Variants in LMCD1 observed in about 807,000 individuals in gnomAD.
The protein encoded by LMCD1 is LIM and cysteine rich domains 1, also known as LIM and cysteine-rich domains protein 1.
LMCD1 carries 32 observed loss-of-function variants against 42.7 expected under a neutral mutation model. The observed-to-expected ratio is 0.75, with a 90% CI of 0.57 to 1.01. The LOEUF (loss-of-function observed/expected upper bound fraction) is 1.01, where lower values mean the gene tolerates loss of function less well. LMCD1 is among the 50% of genes least tolerant of loss of function. The pLI, the probability that LMCD1 is intolerant of heterozygous loss-of-function variation, is 0.00. For missense variants in LMCD1, 458 were observed against 483.1 expected (o/e 0.95, Z 0.49); for synonymous variants, 178 against 184.9 (o/e 0.96, Z 0.30).
At chr3:8,542,301 C>A (rs1274870276) in intron 3 of LMCD1, among the ~76,000 whole-genome samples, 2 of 152,110 alleles carry the variant, frequency 1.3e-5, no homozygotes, top group Non-Finnish European at 2.9e-5. Context: ...CATGCCCAGC[C>A]CCAGCTGGAG....
chr3:8,548,763 G>T lies in LMCD1; in HGVS notation c.583G>T (p.Gly195Cys), dbSNP rs147666403. The T allele has an allele frequency of 3.1e-6, 5 of 1,613,240 alleles. No homozygotes were observed. Among genetic ancestry groups the T allele is most frequent in the Non-Finnish European group, 4.2e-6 (5 of 1,179,244 alleles). ...CAAGCAATATAAGAGCGAGGCCCTC[G>T]GCGTGGGAGAAGTGGCCCTCCCGGG... is the stretch of plus-strand genomic sequence containing the variant. ...FVKQYKSEALGVGEVALPGQG... is the reference protein window; with the variant it reads ...FVKQYKSEALCVGEVALPGQG... The change falls in exon 4 of 6, where the codon GGC becomes TGC. Residue 195 changes from glycine to cysteine, a missense_variant. Transcript: ENST00000157600.
intron 1 of LMCD1, among the ~76,000 whole-genome samples, chr3:8,513,196 C>A (rs1694034098): frequency 6.6e-6 from 1 of 151,934 alleles, no homozygotes; most frequent in South Asian, 2.1e-4. Context: ...TTCTGAAGTC[C>A]CAGTCCCAGT....
chr3:8,552,746 T>C (rs1241433840), intron 4 of LMCD1, among the ~76,000 whole-genome samples: 2 of 152,178 alleles, frequency 1.3e-5, no homozygotes, highest in Non-Finnish European at 2.9e-5. Flanking sequence ...TATTTTGAGA[T>C]GGAGTCTCAC....
rs1256987594 is a variant in LMCD1 at position 8,568,192 on chromosome 3, T to A, written c.*594T>A. The A allele has an allele frequency of 6.6e-6, 1 of 152,238 alleles. No homozygotes were observed. The highest frequency in any genetic ancestry group is 1.5e-5 in the Non-Finnish European group (1 of 68,062). 9.4% of individuals were successfully genotyped at this position (152,238 alleles called of 1,614,324 possible). A position where few individuals can be genotyped will look rare whatever the true frequency, so the allele number is the denominator to read the frequency against. ...CACCCAGTGCTGGCAGAAAATATAG[T>A]AAAATACTAATGAGCCTCTCTATCA... On this transcript the variant is annotated 3_prime_UTR_variant, in exon 6 of 6. Transcript: ENST00000157600.
At chr3:8,524,164 G>A (rs1694253588) in intron 1 of LMCD1, among the ~76,000 whole-genome samples, 3 of 146,994 alleles carry the variant, frequency 2.0e-5, no homozygotes, top group Admixed American at 1.4e-4. Context: ...AGCCTTCCTG[G>A]CCAGGGCACT....
In LMCD1 at chr3:8,501,893, G is replaced by C. The variant is rs376881910; in HGVS notation, c.-46G>C. Reference sequence around the variant, plus strand: ...CGCTGTCCCCGCTGCGCGCCCTCGCGCCTCTGCCTGAGAAGCCAGGCGCTG... The same window carrying C: ...CGCTGTCCCCGCTGCGCGCCCTCGCCCCTCTGCCTGAGAAGCCAGGCGCTG... On this transcript the variant is annotated 5_prime_UTR_variant, in exon 1 of 6. Coordinates refer to ENST00000157600, the MANE Select transcript of LMCD1 (RefSeq NM_014583.4). 11 of 1,565,028 alleles carry C rather than the reference G, an allele frequency of 7.0e-6. No individual in the cohort carries two copies. In the African/African-American group the frequency reaches 1.4e-4, roughly 20 times the overall value.
chr3:8,553,612 G>C (rs1028553593), intron 4 of LMCD1, among the ~76,000 whole-genome samples: 43 of 152,180 alleles, frequency 2.8e-4, no homozygotes, highest in African/African-American at 1.0e-3. Flanking sequence ...GGGCCCTACT[G>C]ACGAGACGGG....
At chr3:8,539,257 A>G (rs1322766819) in intron 3 of LMCD1, among the ~76,000 whole-genome samples, 2 of 152,166 alleles carry the variant, frequency 1.3e-5, no homozygotes, top group Non-Finnish European at 1.5e-5. Flanking sequence ...AAAAGAGACT[A>G]AGATTTTTTT....
At chr3:8,567,083 T>G (rs1695143206) in intron 5 of LMCD1, among the ~76,000 whole-genome samples, 1 of 152,222 alleles carries the variant, frequency 6.6e-6, no homozygotes, top group African/African-American at 2.4e-5. Flanking sequence ...TTGCTCTTGA[T>G]GATTGGCCAT....
intron 1 of LMCD1, among the ~76,000 whole-genome samples, chr3:8,503,904 C>T (rs988012519): frequency 6.6e-6 from 1 of 152,182 alleles, no homozygotes; most frequent in Non-Finnish European, 1.5e-5. Context: ...CTCCTCCTCA[C>T]CACAGTCCTG....
chr3:8,506,593 A>G (rs1693886898), intron 1 of LMCD1, among the ~76,000 whole-genome samples: 1 of 152,198 alleles, frequency 6.6e-6, no homozygotes, highest in Non-Finnish European at 1.5e-5. Context: ...TGACTTTAGG[A>G]AGGCAAATCG....
intron 1 of LMCD1, among the ~76,000 whole-genome samples, chr3:8,518,052 G>GA (rs148036295): frequency 5.0e-3 from 717 of 144,254 alleles, no homozygotes; most frequent in Non-Finnish European, 8.0e-3. Flanking sequence ...TTTTAAAGAT[G>GA]AAAAAAAAAA....
intron 1 of LMCD1, among the ~76,000 whole-genome samples, chr3:8,517,517 C>T (rs1420388026): frequency 6.6e-6 from 1 of 152,154 alleles, no homozygotes; most frequent in African/African-American, 2.4e-5. Context: ...AAGTTTGGGT[C>T]GTGGACTTGT....
intron 2 of LMCD1, among the ~76,000 whole-genome samples, chr3:8,536,530 A>G (rs767675221): frequency 1.3e-5 from 2 of 152,184 alleles, no homozygotes; most frequent in Non-Finnish European, 2.9e-5. Context: ...GGTCCTGTTC[A>G]CAAATTTCTT....
intron 1 of LMCD1, among the ~76,000 whole-genome samples, chr3:8,502,782 A>G (rs1352697805): frequency 2.0e-5 from 3 of 152,062 alleles, no homozygotes; most frequent in Non-Finnish European, 4.4e-5. Flanking sequence ...TAGCTCCAAT[A>G]CCACTTGTTG....
intron 1 of LMCD1, among the ~76,000 whole-genome samples, chr3:8,519,240 C>T (rs1236826644): frequency 6.6e-6 from 1 of 151,920 alleles, no homozygotes; most frequent in East Asian, 1.9e-4. Flanking sequence ...TTTTCTAAGA[C>T]CATATGATAG....
Position 8,501,993 on chromosome 3 carries a change from C to G in LMCD1, c.42+13C>G. 6.3e-7 allele frequency: 1 copy of G among 1,582,290 alleles called. No individual in the cohort carries two copies. The highest frequency in any genetic ancestry group is 1.1e-5 in the South Asian group (1 of 87,556). On this transcript the variant is annotated intron_variant, in intron 1 of 5. Coordinates refer to ENST00000157600, the MANE Select transcript of LMCD1 (RefSeq NM_014583.4). ...AGGAGTTAAAAAGGTGAGTGGAAAG[C>G]TGTTTGTATTTACCCAGATTCTTAC...
intron 1 of LMCD1, among the ~76,000 whole-genome samples, chr3:8,511,552 G>A (rs9818672): frequency 0.46 from 70,081 of 152,000 alleles, 16,842 homozygotes; most frequent in Non-Finnish European, 0.52. Context: ...CAAGAAAGGC[G>A]TCCCAAAGAG....
chr3:8,515,137 G>T, intron 1 of LMCD1: 1 of 406,290 alleles, frequency 2.5e-6, no homozygotes, highest in Non-Finnish European at 5.0e-6. Context: ...CCCTGGAGGT[G>T]TCACGTTAGG....
Sources: gnomAD v4.1 joint callset for allele counts (sites outside exome capture counted in the v4.1 genomes callset) on GRCh38, gnomAD v4.1.1 for gene constraint, MANE v1.5 for transcripts, NCBI Gene and HGNC (gene_info 2026-07-23, HGNC 2026-07-21) for gene names.